The following MEIS2 variants were observed in gnomAD, a reference collection of about 807,000 sequenced individuals.
MEIS2 encodes homeobox protein Meis2.
MEIS2 carries 9 observed loss-of-function variants against 58.6 expected under a neutral mutation model. The ratio of observed to expected loss-of-function variants is 0.15; its 90% CI spans 0.09 to 0.27. The LOEUF (loss-of-function observed/expected upper bound fraction) is 0.27, where lower values mean the gene tolerates loss of function less well. Ranked by LOEUF, MEIS2 falls within the 10% of genes least tolerant of loss-of-function variation. The probability of loss-of-function intolerance (pLI) is 1.00; values close to 1 mark genes in which losing one functional copy is unlikely to be tolerated. For missense variants in MEIS2, 427 were observed against 635.0 expected, an observed-to-expected ratio of 0.67 and a Z score of 3.52; for synonymous variants, 221 against 228.4, an observed-to-expected ratio of 0.97 and a Z score of 0.29.
Position 36,950,178 on chromosome 15 carries a change from A to G in MEIS2, c.977+146T>C, listed in dbSNP as rs542624877. ...AGGTTACCTTTTCCTCTCCCTAATC[A>G]CCCCTTTCACACCTCGAGGTAGAAA... On this transcript the variant is annotated intron_variant, in intron 9 of 11. Transcript: ENST00000561208. The G allele has an allele frequency of 6.8e-4, 422 of 624,988 alleles. 4 individuals carry two copies. In the South Asian group the frequency reaches 9.5e-3, roughly 14 times the overall value. 38.7% of individuals were successfully genotyped at this position (624,988 alleles called of 1,614,324 possible).
At chr15:36,990,399 G>T (rs1256103093) in intron 8 of MEIS2, among the ~76,000 whole-genome samples, 1 of 151,954 alleles carries the variant, frequency 6.6e-6, no homozygotes, top group African/African-American at 2.4e-5. Flanking sequence ...TAGAGCTAGT[G>T]TGGAAATTAT....
At chr15:37,059,524 C>T (rs1888897419) in intron 7 of MEIS2, among the ~76,000 whole-genome samples, 1 of 152,026 alleles carries the variant, frequency 6.6e-6, no homozygotes, top group African/African-American at 2.4e-5. Flanking sequence ...TTCAAAAAAG[C>T]TTAATTAAAT....
chr15:36,950,059 AG>A (rs1220661189), intron 9 of MEIS2, among the ~76,000 whole-genome samples: 1 of 151,978 alleles, frequency 6.6e-6, no homozygotes, highest in Non-Finnish European at 1.5e-5. Context: ...AGATGGGAAA[AG>A]TGAGGTGGAG....
chr15:36,953,069 TGG>T (rs1283331802), intron 8 of MEIS2, among the ~76,000 whole-genome samples: 1 of 152,136 alleles, frequency 6.6e-6, no homozygotes, highest in Non-Finnish European at 1.5e-5. Context: ...CTTTTATACA[TGG>T]GGTGGACTGT....
chr15:37,014,154 T>C (rs2061261826), intron 8 of MEIS2, among the ~76,000 whole-genome samples: 1 of 152,306 alleles, frequency 6.6e-6, no homozygotes, highest in Admixed American at 6.5e-5. Context: ...CTGTGATCTA[T>C]TGCAAAGAAC....
intron 8 of MEIS2, among the ~76,000 whole-genome samples, chr15:36,979,960 A>AT (rs1394632558): frequency 6.6e-6 from 1 of 150,578 alleles, no homozygotes; most frequent in Non-Finnish European, 1.5e-5. Context: ...AATTTAGGAG[A>AT]TTTTTCCTTA....
At chr15:37,065,614 A>G in intron 7 of MEIS2, among the ~76,000 whole-genome samples, 1 of 152,204 alleles carries the variant, frequency 6.6e-6, no homozygotes, top group Non-Finnish European at 1.5e-5. Flanking sequence ...TTATAACAAA[A>G]AAGAAATCAA....
chr15:36,922,572 T>G (rs1180969406), intron 9 of MEIS2, among the ~76,000 whole-genome samples: 1 of 151,740 alleles, frequency 6.6e-6, no homozygotes, highest in African/African-American at 2.4e-5. Context: ...GTTTTCTGTA[T>G]GAAATTCTGT....
At chr15:37,085,674 A>G (rs1448921223) in intron 6 of MEIS2, among the ~76,000 whole-genome samples, 1 of 152,198 alleles carries the variant, frequency 6.6e-6, no homozygotes, top group Non-Finnish European at 1.5e-5. Context: ...CAAATATGGC[A>G]CAGGTATAGA....
intron 6 of MEIS2, among the ~76,000 whole-genome samples, chr15:37,091,058 G>A (rs1443517330): frequency 6.6e-6 from 1 of 152,124 alleles, no homozygotes; most frequent in Non-Finnish European, 1.5e-5. Flanking sequence ...AAATAAACCT[G>A]AAGATTCAAA....
In MEIS2 at chr15:36,965,356, T is replaced by C. The variant is rs12437781; in HGVS notation, c.901-14956A>G. 4.0e-3 allele frequency among the ~76,000 whole-genome samples: 607 copies of C among 152,294 alleles called. 10 individuals are homozygous for C. The highest frequency in any genetic ancestry group is 0.033 in the East Asian group (173 of 5,174). On this transcript the variant is annotated intron_variant, in intron 8 of 11. Transcript: ENST00000561208. ...TGTGATATTGGCAAGATGTGATTAA[T>C]TATATGAGGTCTACAGTTGCCATCA...
At chr15:36,924,502 G>C (rs549709776) in intron 9 of MEIS2, among the ~76,000 whole-genome samples, 1 of 152,218 alleles carries the variant, frequency 6.6e-6, no homozygotes, top group Non-Finnish European at 1.5e-5. Context: ...TCCAAGCTGG[G>C]GTCATGAGAG....
intron 8 of MEIS2, among the ~76,000 whole-genome samples, chr15:36,989,539 T>C (rs1334470501): frequency 6.6e-6 from 1 of 152,192 alleles, no homozygotes; most frequent in Non-Finnish European, 1.5e-5. Flanking sequence ...ACAACTGCCT[T>C]AGGCCCAGAT....
chr15:36,899,612 T>C (rs1303804826), intron 9 of MEIS2, among the ~76,000 whole-genome samples: 1 of 152,178 alleles, frequency 6.6e-6, no homozygotes, highest in Non-Finnish European at 1.5e-5. Flanking sequence ...GTAAATAGAA[T>C]ATCAAGCTTT....
intron 8 of MEIS2, among the ~76,000 whole-genome samples, chr15:36,972,488 C>G (rs542907563): frequency 6.6e-6 from 1 of 152,136 alleles, no homozygotes; most frequent in Non-Finnish European, 1.5e-5. Context: ...AACTCCTGAC[C>G]TCAAGTGATC....
intron 8 of MEIS2, among the ~76,000 whole-genome samples, chr15:36,991,783 CTTTTTTT>C (rs11285545): frequency 2.0e-5 from 1 of 51,036 alleles, no homozygotes; most frequent in African/African-American, 7.6e-5. Context: ...TTTTTTTTTT[CTTTTTTT>C]TTTTTTTTTT....
chr15:37,044,510 A>T (rs1329460746), intron 7 of MEIS2, among the ~76,000 whole-genome samples: 1 of 152,208 alleles, frequency 6.6e-6, no homozygotes, highest in Admixed American at 6.5e-5. Flanking sequence ...ACATCTGCTG[A>T]ATTTTAAAGA....
chr15:37,068,421 A>G (rs1467964263), intron 7 of MEIS2, among the ~76,000 whole-genome samples: 1 of 152,212 alleles, frequency 6.6e-6, no homozygotes, highest in East Asian at 1.9e-4. Context: ...TAACATCCCT[A>G]ATGAGGAACG....
At chr15:37,009,123 A>G (rs2061031240) in intron 8 of MEIS2, among the ~76,000 whole-genome samples, 1 of 152,052 alleles carries the variant, frequency 6.6e-6, no homozygotes, top group Non-Finnish European at 1.5e-5. Flanking sequence ...CCCTGTCTCT[A>G]CTAAAAATAC....
Sources: gnomAD v4.1 joint callset for allele counts (sites outside exome capture counted in the v4.1 genomes callset) on GRCh38, gnomAD v4.1.1 for gene constraint, MANE v1.5 for transcripts, NCBI Gene and HGNC (gene_info 2026-07-23, HGNC 2026-07-21) for gene names.